Variants in HS3ST5 observed in about 807,000 individuals in gnomAD.
HS3ST5 encodes heparan sulfate glucosamine 3-O-sulfotransferase 5.
In HS3ST5, 10 loss-of-function variants were observed where a neutral mutation model predicts 25.4. The ratio of observed to expected loss-of-function variants is 0.39; its 90% CI spans 0.24 to 0.67. HS3ST5 has a LOEUF of 0.67. Among genes scored for constraint, HS3ST5 ranks in the 30% least tolerant of loss-of-function variants. HS3ST5 has a pLI of 0.44. For missense variants in HS3ST5, 324 were observed against 420.7 expected (o/e 0.77, Z 2.01); for synonymous variants, 170 against 162.4 (o/e 1.05, Z -0.36).
At chr6:114,127,847 T>C (rs1777119684) in intron 3 of HS3ST5, among the ~76,000 whole-genome samples, 1 of 148,974 alleles carries the variant, frequency 6.7e-6, no homozygotes, top group Non-Finnish European at 1.5e-5. Context: ...CAAATATATA[T>C]ATATATATAG....
At chr6:114,233,291 C>T (rs1000332747) in intron 1 of HS3ST5, among the ~76,000 whole-genome samples, 3 of 152,014 alleles carry the variant, frequency 2.0e-5, no homozygotes, top group Non-Finnish European at 2.9e-5. Context: ...TAATAGAATG[C>T]CATGCAAATA....
chr6:114,274,864 T>G (rs1562260698), intron 1 of HS3ST5, among the ~76,000 whole-genome samples: 1 of 151,990 alleles, frequency 6.6e-6, no homozygotes, highest in Non-Finnish European at 1.5e-5. Context: ...AGAGTCATCT[T>G]TGTGCTCGTT....
intron 2 of HS3ST5, among the ~76,000 whole-genome samples, chr6:114,204,527 T>C (rs1245300278): frequency 1.3e-5 from 2 of 152,226 alleles, no homozygotes; most frequent in Admixed American, 1.3e-4. Flanking sequence ...TTAGGGTTGA[T>C]GCATTTTTTA....
intron 3 of HS3ST5, among the ~76,000 whole-genome samples, chr6:114,118,279 T>C (rs897927245): frequency 2.0e-5 from 3 of 152,252 alleles, no homozygotes; most frequent in Middle Eastern, 6.8e-3. Flanking sequence ...CAGCTAGGTA[T>C]AATTTTCAGC....
chr6:114,065,342 T>C (rs1478276930), intron 3 of HS3ST5, among the ~76,000 whole-genome samples: 2 of 152,250 alleles, frequency 1.3e-5, no homozygotes, highest in Admixed American at 6.5e-5. Flanking sequence ...TACAGGTTGA[T>C]GTCTGAAGTC....
At chr6:114,097,466 A>G (rs972752555) in intron 3 of HS3ST5, among the ~76,000 whole-genome samples, 7 of 151,980 alleles carry the variant, frequency 4.6e-5, no homozygotes, top group Non-Finnish European at 1.0e-4. Flanking sequence ...GGTATTTAGC[A>G]TCCTTTATAT....
intron 1 of HS3ST5, among the ~76,000 whole-genome samples, chr6:114,339,111 G>A (rs1776724690): frequency 6.6e-6 from 1 of 151,860 alleles, no homozygotes; most frequent in South Asian, 2.1e-4. Flanking sequence ...TGAAAATATT[G>A]GGATAAAGTA....
intron 1 of HS3ST5, among the ~76,000 whole-genome samples, chr6:114,262,333 T>G (rs1969766): frequency 0.55 from 84,096 of 151,980 alleles, 23,562 homozygotes; most frequent in Middle Eastern, 0.66. Context: ...TGATCACAAG[T>G]TCAGGAGATC....
intron 3 of HS3ST5, among the ~76,000 whole-genome samples, chr6:114,133,735 T>C (rs1392465489): frequency 6.6e-6 from 1 of 152,166 alleles, no homozygotes; most frequent in African/African-American, 2.4e-5. Context: ...AGATAGAATA[T>C]AATGTGGTAA....
At chr6:114,218,038 C>G (rs1401705507) in intron 2 of HS3ST5, among the ~76,000 whole-genome samples, 1 of 152,112 alleles carries the variant, frequency 6.6e-6, no homozygotes, top group Non-Finnish European at 1.5e-5. Flanking sequence ...CGCTCTGTCA[C>G]CCAGGCTGGA....
intron 3 of HS3ST5, among the ~76,000 whole-genome samples, chr6:114,063,467 A>G (rs1773255773): frequency 6.6e-6 from 1 of 150,518 alleles, no homozygotes; most frequent in African/African-American, 2.5e-5. Flanking sequence ...GTGAGCTGCG[A>G]TCATGCCACT....
Position 114,152,783 on chromosome 6 carries a change from C to T in HS3ST5, c.-33+15568G>A, listed in dbSNP as rs116087050. ...TGGCCTGCCCCTTGAGCAGTCAGGC[C>T]CTGTCTCTACTGCGAGGGATGTAAA... On this transcript the variant is annotated intron_variant, in intron 3 of 4. Transcript: ENST00000312719. Among the ~76,000 whole-genome samples, 278 of 152,226 alleles carry T rather than the reference C, an allele frequency of 1.8e-3. 2 individuals are homozygous for T. The highest frequency in any genetic ancestry group is 6.5e-3 in the African/African-American group (268 of 41,544).
intron 1 of HS3ST5, among the ~76,000 whole-genome samples, chr6:114,254,723 G>A (rs1278134991): frequency 2.6e-5 from 4 of 152,194 alleles, no homozygotes; most frequent in Non-Finnish European, 5.9e-5. Context: ...AAGAGAACAT[G>A]AGAACCAAGT....
At chr6:114,131,346 G>A (rs1410538650) in intron 3 of HS3ST5, 2 of 152,152 alleles carry the variant, frequency 1.3e-5, no homozygotes, top group Non-Finnish European at 2.9e-5. Flanking sequence ...GGGTTTTATT[G>A]CTTTCTTAAA....
At chr6:114,087,802 C>T (rs1774914731) in intron 3 of HS3ST5, among the ~76,000 whole-genome samples, 1 of 152,162 alleles carries the variant, frequency 6.6e-6, no homozygotes, top group African/African-American at 2.4e-5. Flanking sequence ...ATCTCTCTGT[C>T]CTGTGCTATA....
chr6:114,324,381 C>T (rs1055386836), intron 1 of HS3ST5, among the ~76,000 whole-genome samples: 2 of 152,190 alleles, frequency 1.3e-5, no homozygotes, highest in Non-Finnish European at 2.9e-5. Context: ...CATCACTTTT[C>T]TTCATCATTT....
intron 2 of HS3ST5, among the ~76,000 whole-genome samples, chr6:114,219,232 C>T (rs968692421): frequency 2.0e-5 from 3 of 152,100 alleles, no homozygotes; most frequent in Admixed American, 6.6e-5. Context: ...TTTATTCTTA[C>T]CAATTTACAT....
chr6:114,291,809 C>T (rs10484274), intron 1 of HS3ST5, among the ~76,000 whole-genome samples: 50,364 of 151,966 alleles, frequency 0.33, 9,116 homozygotes, highest in Non-Finnish European at 0.41. Flanking sequence ...AGCTCTAGGG[C>T]CTTGAATTTG....
chr6:114,079,141 T>C (rs1443543698), intron 3 of HS3ST5, among the ~76,000 whole-genome samples: 1 of 152,188 alleles, frequency 6.6e-6, no homozygotes, highest in East Asian at 1.9e-4. Flanking sequence ...TGGTGGTTGA[T>C]CAAAATTGGG....
Sources: allele counts gnomAD v4.1 joint callset (sites outside exome capture counted in the v4.1 genomes callset), GRCh38; gene constraint gnomAD v4.1.1; transcripts MANE v1.5; gene names NCBI Gene and HGNC (gene_info 2026-07-23, HGNC 2026-07-21).